ANKS1B: variants seen among roughly 807,000 people sequenced by gnomAD.
ANKS1B encodes the protein ankyrin repeat and sterile alpha motif domain-containing protein 1B.
A neutral mutation model predicts 148.3 loss-of-function variants in ANKS1B; 36 were observed. The observed-to-expected ratio is 0.24, with a 90% CI of 0.19 to 0.32. The LOEUF is 0.32. Ranked by LOEUF, ANKS1B falls within the 10% of genes least tolerant of loss-of-function variation. The pLI is 1.00. For missense variants in ANKS1B, 1,157 were observed against 1,542.6 expected, an observed-to-expected ratio of 0.75 and a Z score of 4.19; for synonymous variants, 542 against 560.8, an observed-to-expected ratio of 0.97 and a Z score of 0.47.
chr12:99,707,892 G>C (rs1316682194), intron 8 of ANKS1B, among the ~76,000 whole-genome samples: 3 of 152,056 alleles, frequency 2.0e-5, no homozygotes, highest in Non-Finnish European at 4.4e-5. Flanking sequence ...CAGAAATCAG[G>C]TGTATGTGTG....
chr12:99,761,063 AC>A (rs1269634252), intron 8 of ANKS1B, among the ~76,000 whole-genome samples: 3 of 119,576 alleles, frequency 2.5e-5, no homozygotes, highest in African/African-American at 9.1e-5. Flanking sequence ...AAGCCTAACA[AC>A]CAAAAAAAAA....
chr12:98,830,475 C>T (rs769733928), intron 18 of ANKS1B, among the ~76,000 whole-genome samples: 4 of 152,132 alleles, frequency 2.6e-5, no homozygotes, highest in Non-Finnish European at 5.9e-5. Context: ...CTCTTGCATC[C>T]CCTGAAATCC....
At chr12:99,381,295 C>G (rs1284574494) in intron 12 of ANKS1B, among the ~76,000 whole-genome samples, 3 of 152,040 alleles carry the variant, frequency 2.0e-5, no homozygotes, top group African/African-American at 7.2e-5. Flanking sequence ...GTCGAATGGT[C>G]AAAAGAAAGA....
intron 12 of ANKS1B, among the ~76,000 whole-genome samples, chr12:99,247,797 T>C (rs2074060069): frequency 6.6e-6 from 1 of 152,174 alleles, no homozygotes; most frequent in Non-Finnish European, 1.5e-5. Context: ...TTTTTCAGTG[T>C]TCATTTTAAT....
intron 1 of ANKS1B, among the ~76,000 whole-genome samples, chr12:99,898,567 G>A (rs986312710): frequency 2.0e-5 from 3 of 152,154 alleles, no homozygotes; most frequent in Non-Finnish European, 2.9e-5. Flanking sequence ...GGTAAGCCAA[G>A]CTCAGCCCTA....
intron 9 of ANKS1B, among the ~76,000 whole-genome samples, chr12:99,534,805 G>T (rs11109906): frequency 0.24 from 36,396 of 149,736 alleles, 4,617 homozygotes; most frequent in African/African-American, 0.29. Flanking sequence ...CACCTCCCGG[G>T]TTTACCCCAT....
rs1216122563 is a variant in ANKS1B, at chr12:99,298,920, G to GT, written c.1757-52057dup. On this transcript the variant is annotated intron_variant, in intron 12 of 26. Coordinates refer to ENST00000683438, the MANE Select transcript of ANKS1B (RefSeq NM_001352186.2). ...ATTTTCTGTTTTTATAGACATTTCT[G>GT]TTTTTTAAAACAAGTTGTTAGCATC... Among the ~76,000 whole-genome samples the GT allele has an allele frequency of 3.3e-5, 5 of 152,218 alleles. 1 individual carries two copies. Among genetic ancestry groups the GT allele is most frequent in the Middle Eastern group, 6.8e-3 (2 of 294 alleles).
intron 8 of ANKS1B, among the ~76,000 whole-genome samples, chr12:99,729,033 G>A (rs1019244011): frequency 1.1e-4 from 17 of 152,110 alleles, no homozygotes; most frequent in Admixed American, 3.3e-4. Context: ...TGCAGTATTC[G>A]CTTTATTGCA....
At chr12:98,848,559 A>AT (rs199611015) in intron 17 of ANKS1B, among the ~76,000 whole-genome samples, 17,821 of 136,490 alleles carry the variant, frequency 0.13, 1,212 homozygotes, top group Non-Finnish European at 0.15. Flanking sequence ...GTAATTTGTG[A>AT]TTTTTTTTTT....
intron 14 of ANKS1B, among the ~76,000 whole-genome samples, chr12:99,175,260 G>C (rs928613314): frequency 1.3e-5 from 2 of 152,154 alleles, no homozygotes; most frequent in African/African-American, 4.8e-5. Context: ...AAGTTTCCCA[G>C]ATTCTACCGT....
At chr12:99,123,925 G>T (rs1385973052) in intron 15 of ANKS1B, among the ~76,000 whole-genome samples, 8 of 152,140 alleles carry the variant, frequency 5.3e-5, no homozygotes, top group Non-Finnish European at 1.0e-4. Context: ...TCAACCCAAT[G>T]AAGTTGACAC....
chr12:99,733,168 G>A (rs182199764), intron 8 of ANKS1B, among the ~76,000 whole-genome samples: 4 of 152,102 alleles, frequency 2.6e-5, no homozygotes, highest in Non-Finnish European at 5.9e-5. Flanking sequence ...TTGGCCATGC[G>A]ACTTGCCTTG....
chr12:99,002,567 T>C (rs1341460710), intron 17 of ANKS1B, among the ~76,000 whole-genome samples: 1 of 152,130 alleles, frequency 6.6e-6, no homozygotes, highest in African/African-American at 2.4e-5. Flanking sequence ...CATTGTGGTT[T>C]TGATTTACAG....
At chr12:99,701,396 T>C (rs2054789000) in intron 8 of ANKS1B, among the ~76,000 whole-genome samples, 1 of 152,164 alleles carries the variant, frequency 6.6e-6, no homozygotes, top group South Asian at 2.1e-4. Flanking sequence ...TGTATTTTTT[T>C]ATTTTTATGG....
intron 1 of ANKS1B, among the ~76,000 whole-genome samples, chr12:99,877,212 T>C (rs1392919474): frequency 2.6e-5 from 4 of 152,212 alleles, no homozygotes; most frequent in Admixed American, 6.5e-5. Context: ...TGACTATATT[T>C]CCTCTCTGTG....
At chr12:99,023,049 A>G (rs1161306298) in intron 17 of ANKS1B, among the ~76,000 whole-genome samples, 1 of 152,138 alleles carries the variant, frequency 6.6e-6, no homozygotes, top group African/African-American at 2.4e-5. Flanking sequence ...ATGTTAAACT[A>G]TCGTACATTC....
At chr12:99,757,445 T>A (rs1290567694) in intron 8 of ANKS1B, among the ~76,000 whole-genome samples, 1 of 151,890 alleles carries the variant, frequency 6.6e-6, no homozygotes, top group Admixed American at 6.6e-5. Flanking sequence ...TAACAGACGC[T>A]GGCAAGGTTA....
chr12:98,887,788 T>C (rs960096729), intron 17 of ANKS1B, among the ~76,000 whole-genome samples: 1 of 152,122 alleles, frequency 6.6e-6, no homozygotes, highest in African/African-American at 2.4e-5. Flanking sequence ...TTAAAAAATA[T>C]TTTTAGTAGA....
intron 12 of ANKS1B, among the ~76,000 whole-genome samples, chr12:99,291,046 G>A (rs1330283313): frequency 6.6e-6 from 1 of 151,722 alleles, no homozygotes; most frequent in Non-Finnish European, 1.5e-5. Flanking sequence ...TCAGTAAAGT[G>A]GCAAGATACA....
Sources: allele counts gnomAD v4.1 joint callset (sites outside exome capture counted in the v4.1 genomes callset), GRCh38; gene constraint gnomAD v4.1.1; transcripts MANE v1.5; gene names NCBI Gene and HGNC (gene_info 2026-07-23, HGNC 2026-07-21).